PHKA2: variants seen among roughly 807,000 people sequenced by gnomAD.
PHKA2 encodes the protein phosphorylase b kinase regulatory subunit alpha, liver isoform.
A neutral mutation model predicts 102.0 loss-of-function variants in PHKA2; 31 were observed. The ratio of observed to expected loss-of-function variants is 0.30; its 90% confidence interval spans 0.23 to 0.41. PHKA2 has a LOEUF of 0.41. PHKA2 is among the 10% of genes least tolerant of loss of function. PHKA2 has a pLI of 1.00. For missense variants in PHKA2, 858 were observed against 1,023.1 expected (o/e 0.84, Z 2.20); for synonymous variants, 455 against 416.2 (o/e 1.09, Z -1.13).
intron 2 of PHKA2, among the ~76,000 whole-genome samples, chrX:18,953,372 T>C (rs1336588320): frequency 8.9e-6 from 1 of 111,974 alleles, no homozygotes; most frequent in African/African-American, 3.2e-5. Context: ...GGCCCCCAAA[T>C]TGGATAACAC....
At chrX:18,933,322 C>A (rs1286468895) in intron 11 of PHKA2, among the ~76,000 whole-genome samples, 1 of 112,467 alleles carries the variant, frequency 8.9e-6, no homozygotes, top group Non-Finnish European at 1.9e-5. Context: ...GCTTTTGCTG[C>A]TGCCACTGCC....
At position 18,893,391 on chromosome X, in the gene PHKA2, G is replaced by A; in HGVS notation, c.*94C>T. 1.1e-6 allele frequency: 1 copy of A among 899,371 alleles called. No individual in the cohort carries two copies. The allele number at this position is 899,371 out of a possible 1,213,427, so 74.1% of individuals were successfully genotyped here. A position where few individuals can be genotyped will look rare whatever the true frequency, so the allele number is the denominator to read the frequency against. On this transcript the variant is annotated 3_prime_UTR_variant, in exon 33 of 33. Coordinates refer to ENST00000379942, the MANE Select transcript of PHKA2 (RefSeq NM_000292.3). ...TGTTTCTGATGGGACATGCTTTCCTGATAGCACAGGGGATCTTGGGGGACA... is the reference window on the plus strand; with the variant it reads ...TGTTTCTGATGGGACATGCTTTCCTAATAGCACAGGGGATCTTGGGGGACA...
At chrX:18,958,182 G>A (rs777148320) in intron 1 of PHKA2, among the ~76,000 whole-genome samples, 28 of 111,281 alleles carry the variant, frequency 2.5e-4, no homozygotes, top group African/African-American at 8.2e-4. Flanking sequence ...TTTAACGAGC[G>A]GGATGGTGGG....
chrX:18,903,502 G>A (rs777211596), intron 26 of PHKA2, among the ~76,000 whole-genome samples: 1 of 112,592 alleles, frequency 8.9e-6, no homozygotes, highest in Non-Finnish European at 1.9e-5. Context: ...CCCTGTCTGG[G>A]CAGCAGATGC....
rs776880034 is a variant in PHKA2, at chrX:18,907,972, G to A, written c.2445C>T (p.Gly815=). The A allele has an allele frequency of 4.5e-5, 55 of 1,209,312 alleles. No homozygotes were observed. The highest frequency in any genetic ancestry group is 4.6e-4 in the Middle Eastern group (2 of 4,371). The change falls in exon 22 of 33, where the codon GGC becomes GGT. Residue 815 remains glycine (G), a synonymous_variant. Transcript: ENST00000379942. ...GAATCAGACCCCACTCCTGGTTCAA[G>A]CCGGCTTTCCCATAGAGCTCACCAA... The part of the protein sequence containing the change: ...NLLGELYGKA[G]LNQEWGLIRY...
At chrX:18,897,879 G>A (rs1253360378) in intron 29 of PHKA2, 1 of 117,798 alleles carries the variant, frequency 8.5e-6, no homozygotes, top group Non-Finnish European at 1.8e-5. Flanking sequence ...TGGCGCCTGT[G>A]CCACTGCAGT....
At chrX:18,918,895 G>C (rs369637000) in intron 18 of PHKA2, 41 bp from the exon 19 acceptor site, 1 of 1,139,622 alleles carries the variant, frequency 8.8e-7, no homozygotes, top group African/African-American at 1.8e-5. Flanking sequence ...ATGAAACCAA[G>C]CTGTAGAAAT....
At chrX:18,922,701 G>A (rs936649184) in intron 17 of PHKA2, among the ~76,000 whole-genome samples, 3 of 110,361 alleles carry the variant, frequency 2.7e-5, no homozygotes, top group African/African-American at 9.9e-5. Flanking sequence ...CTAGGGGCGG[G>A]AGGAGGGGGA....
intron 22 of PHKA2, among the ~76,000 whole-genome samples, 173 bp downstream of exon 22, chrX:18,907,727 C>G (rs1272895591): frequency 8.9e-6 from 1 of 112,027 alleles, no homozygotes; most frequent in East Asian, 2.8e-4. Flanking sequence ...TTCCTTCCCT[C>G]TGCTCGCCTT....
intron 17 of PHKA2, among the ~76,000 whole-genome samples, chrX:18,921,777 G>C (rs187577753): frequency 9.0e-6 from 1 of 111,197 alleles, no homozygotes; most frequent in Admixed American, 9.6e-5. Context: ...CAGAGCTGCT[G>C]CACCTATTCC....
At chrX:18,981,611 T>C (rs1275155942) in intron 1 of PHKA2, among the ~76,000 whole-genome samples, 1 of 110,980 alleles carries the variant, frequency 9.0e-6, no homozygotes, top group Non-Finnish European at 1.9e-5. Context: ...TGATGAGGTA[T>C]CTGTACTTAG....
intron 20 of PHKA2, among the ~76,000 whole-genome samples, chrX:18,910,349 G>A (rs1262573658): frequency 9.0e-6 from 1 of 111,713 alleles, no homozygotes; most frequent in Non-Finnish European, 1.9e-5. Flanking sequence ...GCATGGTGGC[G>A]CACGCTGGTA....
intron 1 of PHKA2, among the ~76,000 whole-genome samples, chrX:18,973,796 G>C (rs1051697825): frequency 8.9e-6 from 1 of 112,316 alleles, no homozygotes; most frequent in Non-Finnish European, 1.9e-5. Context: ...GCAGCTAAAC[G>C]TGGCTAGAGA....
chrX:18,977,864 T>A (rs1026765604), intron 1 of PHKA2, among the ~76,000 whole-genome samples: 6 of 112,125 alleles, frequency 5.4e-5, no homozygotes, highest in Non-Finnish European at 1.1e-4. Flanking sequence ...TTTAAAAAAA[T>A]AATTTCTATT....
chrX:18,920,505 C>T (rs777579964), intron 17 of PHKA2, among the ~76,000 whole-genome samples: 2 of 112,480 alleles, frequency 1.8e-5, no homozygotes, highest in South Asian at 7.3e-4. Flanking sequence ...AAATATATTG[C>T]GCAAACTACT....
chrX:18,922,146 C>A (rs763678620), intron 17 of PHKA2, among the ~76,000 whole-genome samples: 1 of 110,139 alleles, frequency 9.1e-6, no homozygotes, highest in Non-Finnish European at 1.9e-5. Flanking sequence ...CCTGGGAGGC[C>A]GAGGCAGGAG....
chrX:18,919,981 A>G (rs766679730), intron 18 of PHKA2, 51 bp downstream of exon 18: 6 of 993,716 alleles, frequency 6.0e-6, no homozygotes, highest in Non-Finnish European at 8.5e-6. Context: ...TCACAATGCT[A>G]AAGTTTAAAT....
At position 18,899,173 on chromosome X, in the gene PHKA2, C is replaced by T. The variant is rs767305434; in HGVS notation, c.3111G>A (p.Ala1037=). ...ASSSAHSSKS[A]RSSTPSSPTG... is the part of the protein sequence containing the mutation. ...CACAATAATCCCGAGGCACTGTTAC[C>T]GCAGACTTGGAGGAATGCGCACTGC... Residue 1037 remains alanine, a splice_region_variant and synonymous_variant, in exon 29 of 33, where the codon GCG becomes GCA. Coordinates refer to ENST00000379942, the MANE Select transcript of PHKA2 (RefSeq NM_000292.3). 14 of 1,207,661 alleles carry T rather than the reference C, an allele frequency of 1.2e-5. No individual in the cohort carries two copies. Among genetic ancestry groups the T allele is most frequent in the Admixed American group, 2.2e-5 (1 of 46,068 alleles).
At position 18,983,985 on chromosome X, in the gene PHKA2, G is replaced by A; in HGVS notation, c.-53C>T. On this transcript the variant is annotated 5_prime_UTR_variant, in exon 1 of 33. It adds an upstream start codon to the 5' untranslated region. Coordinates refer to ENST00000379942, the MANE Select transcript of PHKA2 (RefSeq NM_000292.3). ...CCGATCTGCCGCGTGGGCGCGGGAC[G>A]TCGGGGCTGTGGCCTCCAAGCGGGT... The A allele has an allele frequency of 9.6e-7, 1 of 1,039,165 alleles. No homozygotes were observed. The highest frequency in any genetic ancestry group is 1.9e-5 in the South Asian group (1 of 53,133). The allele number at this position is 1,039,165 out of a possible 1,213,427, so 85.6% of individuals were successfully genotyped here. A position where few individuals can be genotyped will look rare whatever the true frequency, so the allele number is the denominator to read the frequency against.
Sources: gnomAD v4.1 joint callset for allele counts (sites outside exome capture counted in the v4.1 genomes callset) on GRCh38, gnomAD v4.1.1 for gene constraint, MANE v1.5 for transcripts, NCBI Gene and HGNC (gene_info 2026-07-23, HGNC 2026-07-21) for gene names.